The following NFATC1 variants were observed in gnomAD, a reference collection of about 807,000 sequenced individuals.
NFATC1 encodes the protein nuclear factor of activated T-cells, cytoplasmic 1.
NFATC1 carries 22 observed loss-of-function variants against 76.0 expected under a neutral mutation model. That is an observed-to-expected ratio of 0.29 (90% CI 0.21 to 0.41). The LOEUF is 0.41. Ranked by LOEUF, NFATC1 falls within the 10% of genes least tolerant of loss-of-function variation. NFATC1 has a pLI of 1.00. For missense variants in NFATC1, 1,357 were observed against 1,337.7 expected, an observed-to-expected ratio of 1.01 and a Z score of -0.23; for synonymous variants, 704 against 613.1, an observed-to-expected ratio of 1.15 and a Z score of -2.19.
At chr18:79,520,354 C>T (rs376490626) in intron 9 of NFATC1, among the ~76,000 whole-genome samples, 1 of 151,872 alleles carries the variant, frequency 6.6e-6, no homozygotes, top group Non-Finnish European at 1.5e-5. Context: ...TGACGTGTCC[C>T]GGTGGCTCTC....
intron 1 of NFATC1, among the ~76,000 whole-genome samples, chr18:79,399,554 A>C (rs1568906246): frequency 1.3e-5 from 2 of 152,256 alleles, no homozygotes; most frequent in African/African-American, 4.8e-5. Context: ...GCCTCAGCTA[A>C]GCAGCCCGGC....
At chr18:79,467,718 C>T (rs535969949) in intron 8 of NFATC1, 136 bp downstream of exon 8, 15 of 1,342,754 alleles carry the variant, frequency 1.1e-5, no homozygotes, top group Non-Finnish European at 1.2e-5. Flanking sequence ...TTAGTGAGAC[C>T]GAGCCATCGA....
At chr18:79,437,333 C>T (rs2086815064) in intron 3 of NFATC1, among the ~76,000 whole-genome samples, 1 of 152,222 alleles carries the variant, frequency 6.6e-6, no homozygotes, top group African/African-American at 2.4e-5. Flanking sequence ...GTGACTCAGA[C>T]AGAGCCTCCC....
chr18:79,423,227 A>G (rs981549081), intron 2 of NFATC1, among the ~76,000 whole-genome samples: 1 of 152,156 alleles, frequency 6.6e-6, no homozygotes, highest in Non-Finnish European at 1.5e-5. Context: ...AAATCCCCAA[A>G]TGTGTCCTTT....
chr18:79,446,664 AC>A, intron 3 of NFATC1, among the ~76,000 whole-genome samples: 1 of 152,066 alleles, frequency 6.6e-6, no homozygotes, highest in Non-Finnish European at 1.5e-5. Context: ...CCCCGTCCTG[AC>A]TGTTTGTGTG....
At position 79,410,139 on chromosome 18, in the gene NFATC1, T is replaced by A. The variant is rs1455868127; in HGVS notation, c.128-264T>A. ...GGCCGCCTCTCCCTGGGAAGGACGT[T>A]CGGGGGCTTGTGCTGCTGTTAGGGG... On this transcript the variant is annotated intron_variant, in intron 1 of 9. Transcript: ENST00000427363. This position sits in a 1 kb window ranked among gnomAD's most constrained non-coding sequence, Gnocchi z 6.7. 1.3e-6 allele frequency: 1 copy of A among 756,636 alleles called. No individual in the cohort carries two copies. Among genetic ancestry groups the A allele is most frequent in the Non-Finnish European group, 2.4e-6 (1 of 414,630 alleles). 46.9% of individuals were successfully genotyped at this position (756,636 alleles called of 1,614,324 possible).
intron 8 of NFATC1, among the ~76,000 whole-genome samples, chr18:79,473,916 G>C (rs541362869): frequency 6.8e-6 from 1 of 148,020 alleles, no homozygotes; most frequent in African/African-American, 2.5e-5. Flanking sequence ...TGAGGGAAGC[G>C]TGTTCTCACG....
At chr18:79,473,738 C>A (rs910990175) in intron 8 of NFATC1, among the ~76,000 whole-genome samples, 5 of 150,740 alleles carry the variant, frequency 3.3e-5, no homozygotes, top group Admixed American at 1.3e-4. Flanking sequence ...CTCACACTCA[C>A]TGTCGACGTT....
chr18:79,504,305 AACTTTT>A (rs1240938552), intron 9 of NFATC1, among the ~76,000 whole-genome samples: 1 of 152,140 alleles, frequency 6.6e-6, no homozygotes, highest in African/African-American at 2.4e-5. Flanking sequence ...CTTGCCCTTG[AACTTTT>A]ACTTGAAAAC....
chr18:79,484,512 G>A (rs372525076), intron 8 of NFATC1, among the ~76,000 whole-genome samples: 17 of 151,854 alleles, frequency 1.1e-4, no homozygotes, highest in East Asian at 7.8e-4. Flanking sequence ...TGTGCAGGGC[G>A]GACGCTTTAA....
chr18:79,520,488 G>T (rs918332502), intron 9 of NFATC1, among the ~76,000 whole-genome samples: 3 of 151,656 alleles, frequency 2.0e-5, no homozygotes, highest in Admixed American at 6.6e-5. Flanking sequence ...CCGGAGAAAT[G>T]ACTGAAAAAT....
rs977596213 is a variant in NFATC1, at chr18:79,518,464, G to A, written c.2783-9064G>A. Among the ~76,000 whole-genome samples the A allele has an allele frequency of 6.6e-5, 10 of 152,304 alleles. No homozygotes were observed. In the South Asian group the frequency reaches 1.4e-3, roughly 22 times the overall value. On this transcript the variant is annotated intron_variant, in intron 9 of 9. Transcript: ENST00000427363. ...GCTGCCTGCTTGTGTTCTGATGGGC[G>A]GTAACTGAAGGTCCACCAGGAAGTG...
chr18:79,443,864 C>A (rs1451550306), intron 3 of NFATC1, among the ~76,000 whole-genome samples: 1 of 152,234 alleles, frequency 6.6e-6, no homozygotes, highest in Non-Finnish European at 1.5e-5. Context: ...AGGGCTGTGC[C>A]ACATGGCGAA....
Position 79,479,879 on chromosome 18 carries a change from A to G in NFATC1, c.2093-6369A>G, listed in dbSNP as rs139077721. On this transcript the variant is annotated intron_variant, in intron 8 of 9. Transcript: ENST00000427363. ...CCCGGTCCCGGTGGGAGGCAGCCTC[A>G]GAGCAGCTGGGATGGCACAAGACGC... Among the ~76,000 whole-genome samples the G allele has an allele frequency of 8.1e-3, 1,227 of 152,334 alleles. 5 individuals carry two copies. Among genetic ancestry groups the G allele is most frequent in the Non-Finnish European group, 0.014 (923 of 68,020 alleles).
At position 79,419,529 on chromosome 18, in the gene NFATC1, G is replaced by A. The variant is rs537096598; in HGVS notation, c.1226+8028G>A. On this transcript the variant is annotated intron_variant, in intron 2 of 9. Transcript: ENST00000427363. Reference sequence around the variant, plus strand: ...CCTGCCCGGGAGCCCCCCTAGGAGGGCCGGCACCTGCCTGCCCGGGAGCCC... The same window carrying A: ...CCTGCCCGGGAGCCCCCCTAGGAGGACCGGCACCTGCCTGCCCGGGAGCCC... Among the ~76,000 whole-genome samples the A allele has an allele frequency of 9.5e-3, 1,359 of 142,818 alleles. 13 individuals carry two copies. The highest frequency in any genetic ancestry group is 0.022 in the South Asian group (102 of 4,618). 93.7% of individuals were successfully genotyped at this position (142,818 alleles called of 152,430 possible). A position where few individuals can be genotyped will look rare whatever the true frequency, so the allele number is the denominator to read the frequency against.
chr18:79,432,874 CGTGGGGCCCCCAGCTGGGCT>C (rs1187690530), intron 2 of NFATC1, among the ~76,000 whole-genome samples: 12 of 152,342 alleles, frequency 7.9e-5, no homozygotes, highest in African/African-American at 2.4e-4. Context: ...AGACAGGGGC[CGTGGGGCCCCCAGCTGGGCT>C]GTAGGCTCTG....
chr18:79,513,834 G>A (rs574083156), intron 9 of NFATC1, among the ~76,000 whole-genome samples: 1 of 152,366 alleles, frequency 6.6e-6, no homozygotes, highest in Non-Finnish European at 1.5e-5. Context: ...TGAAGCCTGA[G>A]GGTACACTGG....
At chr18:79,448,058 G>T (rs2087289722) in intron 3 of NFATC1, among the ~76,000 whole-genome samples, 1 of 152,234 alleles carries the variant, frequency 6.6e-6, no homozygotes, top group African/African-American at 2.4e-5. Flanking sequence ...CATTTGTCTG[G>T]AGTCCTGTCC....
intron 2 of NFATC1, among the ~76,000 whole-genome samples, chr18:79,425,035 A>G (rs1251998494): frequency 1.2e-4 from 8 of 64,162 alleles, no homozygotes; most frequent in African/African-American, 4.1e-4. Context: ...ATCTCTCTCC[A>G]TCTCTCTCTC....
Sources: allele counts gnomAD v4.1 joint callset (sites outside exome capture counted in the v4.1 genomes callset), GRCh38; gene constraint gnomAD v4.1.1; non-coding constraint Gnocchi (gnomAD v3.1); transcripts MANE v1.5; gene names NCBI Gene and HGNC (gene_info 2026-07-23, HGNC 2026-07-21).